APPL1: variants seen among roughly 807,000 people sequenced by gnomAD.
APPL1 encodes the protein DCC-interacting protein 13-alpha.
Under a neutral mutation model 106.8 loss-of-function variants are expected in APPL1, and 42 were observed. The observed-to-expected ratio is 0.39, with a 90% CI of 0.31 to 0.51. The LOEUF (loss-of-function observed/expected upper bound fraction) is 0.51. Among genes scored for constraint, APPL1 ranks in the 20% least tolerant of loss-of-function variants. The pLI, the probability that APPL1 is intolerant of heterozygous loss-of-function variation, is 0.75. For synonymous variants in APPL1, 263 were observed against 281.8 expected (o/e 0.93, Z 0.67); for missense variants, 769 against 858.2 (o/e 0.90, Z 1.30).
chr3:57,238,999 TCA>T (rs1323695623), intron 4 of APPL1, among the ~76,000 whole-genome samples: 1 of 152,226 alleles, frequency 6.6e-6, no homozygotes, highest in African/African-American at 2.4e-5. Flanking sequence ...TTTAATGGAC[TCA>T]CAGTTCCATG....
At chr3:57,237,652 T>C (rs2060723551) in intron 3 of APPL1, 101 bp downstream of exon 3, 2 of 804,510 alleles carry the variant, frequency 2.5e-6, no homozygotes, top group Non-Finnish European at 3.8e-6. Flanking sequence ...ATTCACAGAA[T>C]ATGCCATTGA....
intron 20 of APPL1, 101 bp from the exon 21 acceptor site, chr3:57,268,297 C>T: frequency 1.6e-6 from 2 of 1,228,752 alleles, no homozygotes; most frequent in Non-Finnish European, 2.2e-6. Context: ...TGTATAAATG[C>T]AAAAAAATAT....
chr3:57,249,323 G>A (rs776807359), intron 10 of APPL1, 37 bp from the exon 11 acceptor site: 2 of 1,608,676 alleles, frequency 1.2e-6, no homozygotes, highest in East Asian at 4.5e-5. Flanking sequence ...TTTCAGGTAT[G>A]TTGTTATTAA....
At chr3:57,259,160 C>T in intron 16 of APPL1, 80 bp downstream of exon 16, 2 of 1,234,712 alleles carry the variant, frequency 1.6e-6, no homozygotes, top group Non-Finnish European at 2.3e-6. Flanking sequence ...TATATTTGCT[C>T]TGCTACTAAG....
intron 1 of APPL1, among the ~76,000 whole-genome samples, chr3:57,229,132 A>C (rs2060671093): frequency 6.6e-6 from 1 of 152,220 alleles, no homozygotes; most frequent in South Asian, 2.1e-4. Context: ...AGAGAAACTC[A>C]CATTTGGTTT....
intron 19 of APPL1, among the ~76,000 whole-genome samples, chr3:57,264,447 A>G (rs2060883673): frequency 6.6e-6 from 1 of 151,900 alleles, no homozygotes; most frequent in Non-Finnish European, 1.5e-5. Flanking sequence ...TACTCAAGAA[A>G]TTTTTGCCCA....
At chr3:57,251,094 A>G (rs1579392621) in intron 11 of APPL1, among the ~76,000 whole-genome samples, 1 of 147,642 alleles carries the variant, frequency 6.8e-6, no homozygotes, top group South Asian at 2.2e-4. Flanking sequence ...GGCGTGAGCC[A>G]CCGCGCCCGG....
At chr3:57,235,266 T>C (rs1283174811) in intron 1 of APPL1, among the ~76,000 whole-genome samples, 1 of 152,206 alleles carries the variant, frequency 6.6e-6, no homozygotes, top group East Asian at 1.9e-4. Context: ...TAATTTAGCT[T>C]TGAACGTTTC....
intron 21 of APPL1, 59 bp downstream of exon 21, chr3:57,268,546 T>C: frequency 6.7e-7 from 1 of 1,483,266 alleles, no homozygotes; most frequent in Non-Finnish European, 9.0e-7. Context: ...AATTCAGCAC[T>C]ATGACTTTCA....
At chr3:57,250,175 G>C (rs1363913964) in intron 11 of APPL1, among the ~76,000 whole-genome samples, 3 of 152,034 alleles carry the variant, frequency 2.0e-5, no homozygotes, top group East Asian at 3.9e-4. Flanking sequence ...GGGTCTTACT[G>C]TGTCTCCCTG....
Position 57,270,953 on chromosome 3 carries a change from T to TAAGG in APPL1, c.*1266_*1267insAAGG, listed in dbSNP as rs2060933890. 1 of 152,170 alleles carries TAAGG rather than the reference T, an allele frequency of 6.6e-6. No individual in the cohort carries two copies. The highest frequency in any genetic ancestry group is 6.5e-5 in the Admixed American group (1 of 15,276). The allele number at this position is 152,170 out of a possible 1,614,324, so 9.4% of individuals were successfully genotyped here. On this transcript the variant is annotated 3_prime_UTR_variant, in exon 22 of 22. Transcript: ENST00000288266. ...CTATTGTTTATGTTAAACCTTAATTTTTTTTCTGTAATCACTTTTAACACT... is the reference window on the plus strand; with the variant it reads ...CTATTGTTTATGTTAAACCTTAATTTAAGGTTTTTCTGTAATCACTTTTAACACT...
chr3:57,257,483 CCT>C lies in APPL1; in HGVS notation c.1430+56_1430+57del, dbSNP rs1212426968. 25 of 1,401,328 alleles carry C rather than the reference CCT, an allele frequency of 1.8e-5. No homozygotes were observed. The East Asian group carries it at 3.0e-4, about 17-fold the overall frequency. The allele number at this position is 1,401,328 out of a possible 1,614,324, so 86.8% of individuals were successfully genotyped here. ...CTGTGGTCTGTAAGGCTTATAATCC[CCT>C]GTCTGCATTTCAGAGTCATCTCTTA... is the stretch of plus-strand genomic sequence containing the variant. On this transcript the variant is annotated intron_variant, in intron 15 of 21. Transcript: ENST00000288266.
chr3:57,238,378 G>A (rs897466905), intron 4 of APPL1, among the ~76,000 whole-genome samples: 2 of 152,192 alleles, frequency 1.3e-5, no homozygotes, highest in Non-Finnish European at 2.9e-5. Flanking sequence ...TTTGATGTAG[G>A]CAGGGAGAGA....
At chr3:57,258,977 G>T in intron 15 of APPL1, 51 bp from the exon 16 acceptor site, 2 of 1,320,330 alleles carry the variant, frequency 1.5e-6, no homozygotes, top group Non-Finnish European at 1.1e-6. Flanking sequence ...TTTCTTCTAT[G>T]TGGCTCATGG....
At chr3:57,232,966 C>T (rs1224590560) in intron 1 of APPL1, among the ~76,000 whole-genome samples, 1 of 152,050 alleles carries the variant, frequency 6.6e-6, no homozygotes, top group Non-Finnish European at 1.5e-5. Context: ...CACACCACTG[C>T]ACTCCAGCCT....
At chr3:57,250,944 A>G (rs1396032556) in intron 11 of APPL1, among the ~76,000 whole-genome samples, 1 of 148,398 alleles carries the variant, frequency 6.7e-6, no homozygotes, top group Non-Finnish European at 1.5e-5. Flanking sequence ...AGTAGCTGGG[A>G]CTACAGGCGC....
chr3:57,248,876 A>G (rs2060788591), intron 10 of APPL1, among the ~76,000 whole-genome samples: 6 of 152,188 alleles, frequency 3.9e-5, no homozygotes. Flanking sequence ...TCTCAAAAAA[A>G]AAAATGAAGT....
chr3:57,248,993 G>A (rs2060789449), intron 10 of APPL1, among the ~76,000 whole-genome samples: 1 of 152,162 alleles, frequency 6.6e-6, no homozygotes, highest in Admixed American at 6.5e-5. Context: ...ATAGCACCAA[G>A]TCAAATGTTA....
chr3:57,259,658 T>C (rs2060854877), intron 16 of APPL1, 187 bp from the exon 17 acceptor site: 2 of 502,690 alleles, frequency 4.0e-6, no homozygotes, highest in Non-Finnish European at 6.7e-6. Context: ...CTAATTTTCC[T>C]ATAACTTGGA....
Sources: gnomAD v4.1 joint callset for allele counts (sites outside exome capture counted in the v4.1 genomes callset) on GRCh38, gnomAD v4.1.1 for gene constraint, MANE v1.5 for transcripts, NCBI Gene and HGNC (gene_info 2026-07-23, HGNC 2026-07-21) for gene names.